SCTR: variants seen among roughly 807,000 people sequenced by gnomAD.
SCTR encodes pancreatic secretin receptor.
In SCTR, 56 loss-of-function variants were observed where a neutral mutation model predicts 60.8. The ratio of observed to expected loss-of-function variants is 0.92; its 90% CI spans 0.74 to 1.15. The LOEUF (loss-of-function observed/expected upper bound fraction) is 1.15, where lower values mean the gene tolerates loss of function less well. Among genes scored for constraint, SCTR ranks in the 50% most tolerant of loss-of-function variants. SCTR has a pLI of 0.00. For missense variants in SCTR, 562 were observed against 550.4 expected, an observed-to-expected ratio of 1.02 and a Z score of -0.21; for synonymous variants, 202 against 217.0, an observed-to-expected ratio of 0.93 and a Z score of 0.61.
chr2:119,476,739 G>A, intron 3 of SCTR: 1 of 152,828 alleles, frequency 6.5e-6, no homozygotes, highest in Non-Finnish European at 1.5e-5. Flanking sequence ...AAAAGGGACG[G>A]CTGCAAAGGA....
chr2:119,488,957 C>A (rs565823403), intron 2 of SCTR, among the ~76,000 whole-genome samples: 2 of 152,320 alleles, frequency 1.3e-5, no homozygotes, highest in Non-Finnish European at 2.9e-5. Flanking sequence ...CTGCTCATTT[C>A]GTCAGATCCA....
intron 8 of SCTR, among the ~76,000 whole-genome samples, chr2:119,453,063 C>T (rs1683234340): frequency 6.6e-6 from 1 of 152,152 alleles, no homozygotes; most frequent in Non-Finnish European, 1.5e-5. Flanking sequence ...AGCGGACAGG[C>T]AGCAAGAAGA....
chr2:119,447,053 C>T (rs1247713066), intron 10 of SCTR, among the ~76,000 whole-genome samples, 168 bp from the exon 11 acceptor site: 1 of 152,076 alleles, frequency 6.6e-6, no homozygotes, highest in Non-Finnish European at 1.5e-5. Flanking sequence ...TTCTAACTCC[C>T]TCATATCCAT....
chr2:119,461,729 AAAAG>A, intron 7 of SCTR, 114 bp downstream of exon 7: 2 of 758,344 alleles, frequency 2.6e-6, no homozygotes, highest in Non-Finnish European at 3.9e-6. Context: ...AAAAAAAAAA[AAAAG>A]ATTACACAAG....
At chr2:119,484,503 C>T (rs1677774887) in intron 2 of SCTR, among the ~76,000 whole-genome samples, 1 of 152,114 alleles carries the variant, frequency 6.6e-6, no homozygotes, top group Non-Finnish European at 1.5e-5. Flanking sequence ...GGCTTTGGAC[C>T]CAAGCCTACT....
intron 1 of SCTR, among the ~76,000 whole-genome samples, chr2:119,518,277 G>C (rs894555911): frequency 1.3e-5 from 2 of 150,940 alleles, no homozygotes; most frequent in African/African-American, 2.5e-5. Flanking sequence ...ATCTGTAAGG[G>C]CAAGATGTTG....
chr2:119,508,776 C>T (rs1406028474), intron 1 of SCTR, among the ~76,000 whole-genome samples: 5 of 152,154 alleles, frequency 3.3e-5, no homozygotes, highest in African/African-American at 1.2e-4. Context: ...TGTAGAAAGG[C>T]TCTTATTGAG....
chr2:119,477,940 A>ATG (rs1010575619), intron 3 of SCTR, among the ~76,000 whole-genome samples: 1 of 152,122 alleles, frequency 6.6e-6, no homozygotes, highest in East Asian at 1.9e-4. Context: ...TTCCCCAAAT[A>ATG]TGTGTGTGTG....
In SCTR at chr2:119,448,738, T is replaced by C; in HGVS notation, c.964A>G (p.Arg322Gly). 1 of 1,604,078 alleles carries C rather than the reference T, an allele frequency of 6.2e-7. No individual in the cohort carries two copies. The highest frequency in any genetic ancestry group is 8.5e-7 in the Non-Finnish European group (1 of 1,170,820). Residue 322 changes from arginine (R) to glycine (G), a missense_variant, in exon 10 of 13, where the codon AGA (arginine) becomes GGA (glycine). By Grantham distance (125) the Arg-to-Gly change is moderately radical. Transcript: ENST00000019103. ...CTTGTTTCTTGGGTTCTAAGTTTTC[T>C]CATCAGGATTCTTAGAATGTTTATG... ...LFINILRILM[R>G]KLRTQETRGN...
intron 3 of SCTR, among the ~76,000 whole-genome samples, chr2:119,475,775 G>A (rs185974976): frequency 6.6e-6 from 1 of 150,728 alleles, no homozygotes; most frequent in African/African-American, 2.4e-5. Context: ...GGAAAGACTA[G>A]TCCAAAGCTT....
In SCTR at chr2:119,444,204, T is replaced by TATATACATATGAATATATACAC. The variant is rs1558830707; in HGVS notation, c.1140+2533_1140+2554dup. Among the ~76,000 whole-genome samples, 391 of 130,334 alleles carry TATATACATATGAATATATACAC rather than the reference T, an allele frequency of 3.0e-3. 52 individuals carry two copies. Among genetic ancestry groups the TATATACATATGAATATATACAC allele is most frequent in the African/African-American group, 0.014 (353 of 25,650 alleles). The allele number at this position is 130,334 out of a possible 152,430, so 85.5% of individuals were successfully genotyped here. On this transcript the variant is annotated intron_variant, in intron 11 of 12. Transcript: ENST00000019103. ...ACATATGAATATATACACATATGTA[T>TATATACATATGAATATATACAC]ATATACATATGAATATATACACATA...
At chr2:119,489,663 A>G (rs1678038589) in intron 2 of SCTR, among the ~76,000 whole-genome samples, 1 of 152,210 alleles carries the variant, frequency 6.6e-6, no homozygotes, top group African/African-American at 2.4e-5. Flanking sequence ...GGGTAGCTTC[A>G]GAGGGAAGAA....
chr2:119,471,666 T>C (rs998938437), intron 4 of SCTR, among the ~76,000 whole-genome samples: 28 of 152,138 alleles, frequency 1.8e-4, no homozygotes, highest in Non-Finnish European at 5.9e-5. Flanking sequence ...CACCCTACCC[T>C]CCAAGGGACA....
chr2:119,487,674 C>T (rs956023993), intron 2 of SCTR, among the ~76,000 whole-genome samples: 24 of 152,206 alleles, frequency 1.6e-4, no homozygotes, highest in African/African-American at 4.3e-4. Flanking sequence ...TGGGGCAGGC[C>T]GTGCAGCTAT....
chr2:119,448,604 A>C, intron 10 of SCTR, 85 bp downstream of exon 10: 1 of 802,004 alleles, frequency 1.2e-6, no homozygotes, highest in Non-Finnish European at 2.2e-6. Flanking sequence ...CTCCGTCTCC[A>C]ATAGCTAGCA....
chr2:119,507,673 T>TC (rs1678787207), intron 1 of SCTR, among the ~76,000 whole-genome samples: 3 of 129,138 alleles, frequency 2.3e-5, no homozygotes, highest in South Asian at 3.0e-4. Context: ...CTTTTTTTTT[T>TC]TTTTTTCTTT....
intron 1 of SCTR, among the ~76,000 whole-genome samples, chr2:119,501,170 G>A (rs1159823796): frequency 6.6e-6 from 1 of 152,152 alleles, no homozygotes; most frequent in Non-Finnish European, 1.5e-5. Flanking sequence ...CAGCACTTTG[G>A]GAGGCCAAGG....
At chr2:119,464,291 G>A in intron 5 of SCTR, 36 bp from the exon 6 acceptor site, 1 of 1,612,890 alleles carries the variant, frequency 6.2e-7, no homozygotes, top group Non-Finnish European at 8.5e-7. Flanking sequence ...AGAGGCCAGA[G>A]CCTGAGGGGC....
intron 1 of SCTR, among the ~76,000 whole-genome samples, chr2:119,516,881 C>A (rs1454492260): frequency 1.3e-5 from 2 of 152,122 alleles, no homozygotes; most frequent in African/African-American, 4.8e-5. Flanking sequence ...ATCACTTGAA[C>A]CTCTTGAACC....
Sources: gnomAD v4.1 joint callset for allele counts (sites outside exome capture counted in the v4.1 genomes callset) on GRCh38, gnomAD v4.1.1 for gene constraint, MANE v1.5 for transcripts, NCBI Gene and HGNC (gene_info 2026-07-23, HGNC 2026-07-21) for gene names.